The following FGD4 variants were observed in gnomAD, a reference collection of about 807,000 sequenced individuals.
FGD4 encodes FYVE, RhoGEF and PH domain-containing protein 4.
Under a neutral mutation model 102.0 loss-of-function variants are expected in FGD4, and 42 were observed. The ratio of observed to expected loss-of-function variants is 0.41; its 90% CI spans 0.32 to 0.53. The LOEUF (loss-of-function observed/expected upper bound fraction) is 0.53. FGD4 is among the 20% of genes least tolerant of loss of function. The probability of loss-of-function intolerance (pLI) is 0.21; values close to 1 mark genes in which losing one functional copy is unlikely to be tolerated. For missense variants in FGD4, 902 were observed against 1,078.2 expected, an observed-to-expected ratio of 0.84 and a Z score of 2.29; for synonymous variants, 380 against 375.7, an observed-to-expected ratio of 1.01 and a Z score of -0.13.
At chr12:32,503,595 A>G (rs912570619) in intron 1 of FGD4, among the ~76,000 whole-genome samples, 9 of 152,204 alleles carry the variant, frequency 5.9e-5, no homozygotes, top group Non-Finnish European at 4.4e-5. Flanking sequence ...GTGTTTGTAC[A>G]TCATTATTAT....
chr12:32,442,992 T>A (rs566159203), intron 1 of FGD4, among the ~76,000 whole-genome samples: 1 of 152,350 alleles, frequency 6.6e-6, no homozygotes, highest in Admixed American at 6.5e-5. Flanking sequence ...GACAGATGTC[T>A]ATTCAGGTAT....
chr12:32,574,193 A>G (rs1592269300), intron 2 of FGD4, among the ~76,000 whole-genome samples: 1 of 152,344 alleles, frequency 6.6e-6, no homozygotes, highest in African/African-American at 2.4e-5. Context: ...CATCTGGCAC[A>G]TAATAAATAA....
chr12:32,490,880 A>G (rs1482084892), intron 1 of FGD4, among the ~76,000 whole-genome samples: 1 of 152,202 alleles, frequency 6.6e-6, no homozygotes, highest in Non-Finnish European at 1.5e-5. Context: ...TTTGAATTAT[A>G]GTTCCTCTCA....
intron 15 of FGD4, 70 bp downstream of exon 15, chr12:32,633,759 A>G: frequency 2.1e-6 from 3 of 1,417,928 alleles, no homozygotes; most frequent in Non-Finnish European, 2.9e-6. Context: ...TCTGTCACCC[A>G]GGCTGAGGTG....
intron 7 of FGD4, among the ~76,000 whole-genome samples, chr12:32,605,764 A>G (rs1948734862): frequency 6.6e-6 from 1 of 152,196 alleles, no homozygotes; most frequent in African/African-American, 2.4e-5. Context: ...TTGACAACTT[A>G]GCTTTATCTT....
chr12:32,492,168 CAG>C (rs1163170049), intron 1 of FGD4, among the ~76,000 whole-genome samples: 1 of 152,140 alleles, frequency 6.6e-6, no homozygotes, highest in Non-Finnish European at 1.5e-5. Flanking sequence ...CCTTCTTGGG[CAG>C]AGTGTTTATT....
chr12:32,431,269 C>T (rs1402541693), intron 1 of FGD4, among the ~76,000 whole-genome samples: 1 of 152,144 alleles, frequency 6.6e-6, no homozygotes, highest in East Asian at 1.9e-4. Context: ...CTGTAAACTT[C>T]CGGGAAAATT....
At chr12:32,579,770 C>G (rs992475398) in intron 3 of FGD4, 12 of 152,152 alleles carry the variant, frequency 7.9e-5, no homozygotes, top group African/African-American at 2.4e-4. Flanking sequence ...TTTGTATTGC[C>G]CACCTCCAAT....
At chr12:32,474,914 A>G (rs1426546373) in intron 1 of FGD4, among the ~76,000 whole-genome samples, 1 of 152,130 alleles carries the variant, frequency 6.6e-6, no homozygotes, top group Admixed American at 6.5e-5. Flanking sequence ...CAAATTAAAA[A>G]CAAATTTATT....
chr12:32,471,888 G>T (rs770086499), intron 1 of FGD4, among the ~76,000 whole-genome samples: 10 of 152,208 alleles, frequency 6.6e-5, no homozygotes, highest in Admixed American at 1.3e-4. Context: ...AATAGGCCCA[G>T]CCTACATCAG....
At chr12:32,479,601 C>G (rs1359448812) in intron 1 of FGD4, among the ~76,000 whole-genome samples, 1 of 149,390 alleles carries the variant, frequency 6.7e-6, no homozygotes, top group Non-Finnish European at 1.5e-5. Flanking sequence ...TGTATTTTCA[C>G]AGACCTCTCA....
chr12:32,586,257 TA>T (rs1947022851), intron 4 of FGD4, among the ~76,000 whole-genome samples: 1 of 152,190 alleles, frequency 6.6e-6, no homozygotes, highest in African/African-American at 2.4e-5. Context: ...AAAAGGTTTT[TA>T]AAACCTTTTA....
chr12:32,526,350 A>G (rs1005293595), intron 1 of FGD4, among the ~76,000 whole-genome samples: 16 of 152,198 alleles, frequency 1.1e-4, no homozygotes, highest in Admixed American at 3.9e-4. Flanking sequence ...TTGTAAACAC[A>G]CCAATCAGCA....
At chr12:32,572,963 A>G (rs1406558430) in intron 2 of FGD4, among the ~76,000 whole-genome samples, 2 of 152,228 alleles carry the variant, frequency 1.3e-5, no homozygotes, top group African/African-American at 4.8e-5. Flanking sequence ...AGAAGCTAAG[A>G]AAGGTGGCCA....
At chr12:32,553,088 C>T (rs1023026813) in intron 1 of FGD4, among the ~76,000 whole-genome samples, 3 of 152,016 alleles carry the variant, frequency 2.0e-5, no homozygotes, top group Non-Finnish European at 2.9e-5. Context: ...GCCACTGCAC[C>T]TGGCCGGAGT....
At position 32,625,820 on chromosome 12, in the gene FGD4, T is replaced by C. The variant is rs756101339; in HGVS notation, c.2172+41T>C. On this transcript the variant is annotated intron_variant, in intron 14 of 16. Transcript: ENST00000534526. ...TGATCATTAAGGTTGCTAGTAACTATATAAGTGATGTAAAGTCATCAACTA... is the reference window on the plus strand; with the variant it reads ...TGATCATTAAGGTTGCTAGTAACTACATAAGTGATGTAAAGTCATCAACTA... 59 of 1,612,562 alleles carry C rather than the reference T, an allele frequency of 3.7e-5. 1 individual carries two copies. The highest frequency in any genetic ancestry group is 3.0e-4 in the South Asian group (27 of 91,028).
At chr12:32,566,204 A>G (rs903274044) in intron 2 of FGD4, among the ~76,000 whole-genome samples, 2 of 152,136 alleles carry the variant, frequency 1.3e-5, no homozygotes, top group Admixed American at 6.5e-5. Context: ...TCTTTTCACT[A>G]TAACCTCACA....
chr12:32,436,246 A>G (rs1942224454), intron 1 of FGD4, among the ~76,000 whole-genome samples: 1 of 152,210 alleles, frequency 6.6e-6, no homozygotes, highest in African/African-American at 2.4e-5. Context: ...AGCACACATA[A>G]ATAATAAATA....
At chr12:32,575,074 ACT>A (rs971425093) in intron 2 of FGD4, among the ~76,000 whole-genome samples, 7 of 152,006 alleles carry the variant, frequency 4.6e-5, no homozygotes, top group Middle Eastern at 3.2e-3. Flanking sequence ...TGTTAGGGAA[ACT>A]CTGTAGATTT....
Sources: gnomAD v4.1 joint callset for allele counts (sites outside exome capture counted in the v4.1 genomes callset) on GRCh38, gnomAD v4.1.1 for gene constraint, MANE v1.5 for transcripts, NCBI Gene and HGNC (gene_info 2026-07-23, HGNC 2026-07-21) for gene names.